The following ELMO1 variants were observed in gnomAD, a reference collection of about 807,000 sequenced individuals.
ELMO1 encodes the protein engulfment and cell motility 1.
A neutral mutation model predicts 98.9 loss-of-function variants in ELMO1; 26 were observed. That is an observed-to-expected ratio of 0.26 (90% CI 0.19 to 0.36). ELMO1 has a LOEUF of 0.36. Ranked by LOEUF, ELMO1 falls within the 10% of genes least tolerant of loss-of-function variation. The probability of loss-of-function intolerance (pLI) is 1.00; values close to 1 mark genes in which losing one functional copy is unlikely to be tolerated. For missense variants in ELMO1, 627 were observed against 935.2 expected (o/e 0.67, Z 4.30); for synonymous variants, 346 against 346.0 (o/e 1.00, Z 0.00).
At chr7:36,930,670 G>A (rs1785964498) in intron 16 of ELMO1, among the ~76,000 whole-genome samples, 1 of 152,110 alleles carries the variant, frequency 6.6e-6, no homozygotes, top group Non-Finnish European at 1.5e-5. Flanking sequence ...ATTTTTTAAT[G>A]CTGTGTTTTT....
At chr7:37,141,230 T>C (rs1487227239) in intron 13 of ELMO1, among the ~76,000 whole-genome samples, 3 of 152,204 alleles carry the variant, frequency 2.0e-5, no homozygotes, top group African/African-American at 7.2e-5. Flanking sequence ...ATAGTGGCAT[T>C]CACAGCAACC....
chr7:37,218,241 G>C (rs1009548672), intron 10 of ELMO1, among the ~76,000 whole-genome samples: 1 of 152,114 alleles, frequency 6.6e-6, no homozygotes, highest in African/African-American at 2.4e-5. Flanking sequence ...TTGTCTATCA[G>C]TCTATAAAAT....
chr7:37,182,284 G>A (rs1790915934), intron 13 of ELMO1, among the ~76,000 whole-genome samples: 1 of 152,144 alleles, frequency 6.6e-6, no homozygotes. Flanking sequence ...AGATACGGTA[G>A]GGCAGATTCT....
At chr7:37,160,122 G>T (rs1237969993) in intron 13 of ELMO1, among the ~76,000 whole-genome samples, 1 of 152,138 alleles carries the variant, frequency 6.6e-6, no homozygotes, top group Non-Finnish European at 1.5e-5. Flanking sequence ...TGCCAAAAAT[G>T]CAAATGCGTG....
chr7:37,061,827 C>G (rs952470197), intron 15 of ELMO1, among the ~76,000 whole-genome samples: 9 of 152,308 alleles, frequency 5.9e-5, no homozygotes, highest in African/African-American at 1.9e-4. Context: ...AATTGCCAAC[C>G]TAAAAGGTTT....
chr7:37,433,005 T>C (rs1234152161), intron 1 of ELMO1, among the ~76,000 whole-genome samples: 3 of 152,154 alleles, frequency 2.0e-5, no homozygotes, highest in Non-Finnish European at 4.4e-5. Flanking sequence ...TTTGGCACAG[T>C]GGAATGACAC....
intron 17 of ELMO1, among the ~76,000 whole-genome samples, chr7:36,892,257 G>C (rs910640935): frequency 2.6e-5 from 4 of 152,198 alleles, no homozygotes; most frequent in Non-Finnish European, 5.9e-5. Context: ...ATTCCCCACT[G>C]GTGGTCAGGC....
intron 16 of ELMO1, among the ~76,000 whole-genome samples, chr7:36,942,251 C>T (rs1282910646): frequency 6.6e-6 from 1 of 152,132 alleles, no homozygotes; most frequent in Non-Finnish European, 1.5e-5. Context: ...GGGAGGCACC[C>T]AACCCTGACT....
At chr7:37,007,460 A>G (rs566598276) in intron 16 of ELMO1, among the ~76,000 whole-genome samples, 1 of 152,282 alleles carries the variant, frequency 6.6e-6, no homozygotes, top group African/African-American at 2.4e-5. Flanking sequence ...GATATTTTAC[A>G]GTCACCTGCC....
chr7:37,166,082 G>A (rs370411643), intron 13 of ELMO1, among the ~76,000 whole-genome samples: 20 of 152,236 alleles, frequency 1.3e-4, no homozygotes, highest in East Asian at 5.8e-4. Flanking sequence ...TGTATGTGTC[G>A]AGGAATTTAT....
intron 16 of ELMO1, among the ~76,000 whole-genome samples, chr7:36,922,101 T>A (rs1303981867): frequency 6.6e-6 from 1 of 152,172 alleles, no homozygotes; most frequent in African/African-American, 2.4e-5. Flanking sequence ...AGTTTAAAGT[T>A]CTAATAAAAT....
intron 16 of ELMO1, among the ~76,000 whole-genome samples, chr7:36,899,291 G>GT (rs1276071768): frequency 6.6e-6 from 1 of 152,166 alleles, no homozygotes; most frequent in Admixed American, 6.5e-5. Context: ...TATAAAGTAT[G>GT]TTGGGACGCT....
intron 18 of ELMO1, among the ~76,000 whole-genome samples, chr7:36,881,013 C>T (rs1486677399): frequency 6.6e-6 from 1 of 152,204 alleles, no homozygotes; most frequent in African/African-American, 2.4e-5. Context: ...TTATCCTATA[C>T]AAGTTTCTCT....
intron 16 of ELMO1, among the ~76,000 whole-genome samples, chr7:36,956,213 T>C (rs2129112001): frequency 6.6e-6 from 1 of 152,334 alleles, no homozygotes; most frequent in African/African-American, 2.4e-5. Context: ...ACCACTATCC[T>C]TTCCACTTGC....
intron 1 of ELMO1, among the ~76,000 whole-genome samples, chr7:37,438,571 G>A (rs901879642): frequency 6.7e-6 from 1 of 148,994 alleles, no homozygotes; most frequent in Non-Finnish European, 1.5e-5. Flanking sequence ...CTGCACTCCA[G>A]CCTGAGCAAC....
At chr7:37,113,773 T>C (rs559688787) in intron 14 of ELMO1, among the ~76,000 whole-genome samples, 1 of 152,294 alleles carries the variant, frequency 6.6e-6, no homozygotes, top group East Asian at 1.9e-4. Context: ...CCGAATCCAG[T>C]ATGATTGGTG....
intron 16 of ELMO1, among the ~76,000 whole-genome samples, chr7:36,997,601 G>A (rs1048048996): frequency 1.3e-5 from 2 of 152,172 alleles, no homozygotes; most frequent in East Asian, 1.9e-4. Flanking sequence ...CAGCAGGAAC[G>A]GAGCCATGAG....
intron 18 of ELMO1, among the ~76,000 whole-genome samples, chr7:36,880,024 T>C (rs964777597): frequency 6.6e-6 from 1 of 152,170 alleles, no homozygotes; most frequent in African/African-American, 2.4e-5. Flanking sequence ...ACAGTGCTCT[T>C]GGGGGCCTGT....
intron 16 of ELMO1, among the ~76,000 whole-genome samples, chr7:36,991,087 C>G (rs914157977): frequency 4.6e-5 from 7 of 152,194 alleles, no homozygotes; most frequent in Non-Finnish European, 8.8e-5. Flanking sequence ...ATGGTCTCTA[C>G]AGTTTACGAC....
Sources: allele counts gnomAD v4.1 joint callset (sites outside exome capture counted in the v4.1 genomes callset), GRCh38; gene constraint gnomAD v4.1.1; transcripts MANE v1.5; gene names NCBI Gene and HGNC (gene_info 2026-07-23, HGNC 2026-07-21).